The following CDC14A variants were observed in gnomAD, a reference collection of about 807,000 sequenced individuals.
The protein encoded by CDC14A is cell division cycle 14A, also known as dual specificity protein phosphatase CDC14A.
In CDC14A, 53 loss-of-function variants were observed where a neutral mutation model predicts 74.4. The ratio of observed to expected loss-of-function variants is 0.71; its 90% CI spans 0.57 to 0.89. The LOEUF (loss-of-function observed/expected upper bound fraction) is 0.89. Ranked by LOEUF, CDC14A falls within the 40% of genes least tolerant of loss-of-function variation. The pLI, the probability that CDC14A is intolerant of heterozygous loss-of-function variation, is 0.00. For synonymous variants in CDC14A, 247 were observed against 258.4 expected (o/e 0.96, Z 0.43); for missense variants, 646 against 713.7 (o/e 0.91, Z 1.08).
chr1:100,402,559 C>A (rs1021848248), intron 4 of CDC14A, among the ~76,000 whole-genome samples: 16 of 152,022 alleles, frequency 1.1e-4, no homozygotes, highest in Admixed American at 3.9e-4. Context: ...AAAAAAAAGA[C>A]CCACTTTTGC....
rs1342273751 is a variant in CDC14A, at chr1:100,390,289, A to AT, written c.217-437dup. ...ACTAATATTGGTCTTCAAAAATACG[A>AT]TTTTTTGGAGATCATAGTAAACTGG... On this transcript the variant is annotated intron_variant, in intron 3 of 15. Transcript: ENST00000336454. Among the ~76,000 whole-genome samples the AT allele has an allele frequency of 3.9e-5, 6 of 152,304 alleles. No homozygotes were observed. In the East Asian group the frequency reaches 9.6e-4, roughly 24 times the overall value.
intron 8 of CDC14A, among the ~76,000 whole-genome samples, chr1:100,456,353 T>C (rs1049944869): frequency 1.3e-5 from 2 of 152,320 alleles, no homozygotes; most frequent in Admixed American, 6.5e-5. Context: ...AAACAAGTAA[T>C]GATAGACAAC....
chr1:100,383,904 T>C (rs1410892913), intron 3 of CDC14A, among the ~76,000 whole-genome samples: 1 of 152,198 alleles, frequency 6.6e-6, no homozygotes, highest in Non-Finnish European at 1.5e-5. Flanking sequence ...CTTTTTTTTT[T>C]TTGGCTTTGG....
chr1:100,454,236 A>T (rs913858269), intron 7 of CDC14A, among the ~76,000 whole-genome samples: 6 of 151,922 alleles, frequency 3.9e-5, no homozygotes, highest in South Asian at 2.1e-4. Context: ...TCTACTGTTG[A>T]GGTCCTTGCC....
chr1:100,494,650 G>A (rs1259110807), intron 11 of CDC14A, among the ~76,000 whole-genome samples, 168 bp from the exon 12 acceptor site: 2 of 152,190 alleles, frequency 1.3e-5, no homozygotes, highest in East Asian at 3.8e-4. Context: ...CTGGCAAATA[G>A]TTGAGTGTTC....
rs150284378 is a variant in CDC14A at position 100,392,451 on chromosome 1, G to A, written c.309+1627G>A. Among the ~76,000 whole-genome samples the A allele has an allele frequency of 2.4e-3, 363 of 151,510 alleles. 3 individuals are homozygous for A. The highest frequency in any genetic ancestry group is 0.01 in the Middle Eastern group (3 of 294). On this transcript the variant is annotated intron_variant, in intron 4 of 15. Coordinates refer to ENST00000336454, the MANE Select transcript of CDC14A (RefSeq NM_003672.4). ...AGAGGTCATTTGCCACTCTTCGCAC[G>A]TCTTTCTTTTTTTTTTTTGTGAGGA... is the stretch of plus-strand genomic sequence containing the variant.
At chr1:100,424,096 G>T (rs1662670666) in intron 4 of CDC14A, 126 bp from the exon 5 acceptor site, 1 of 711,054 alleles carries the variant, frequency 1.4e-6, no homozygotes. Context: ...TTGTTGCTTT[G>T]TAAAGATCAA....
intron 11 of CDC14A, among the ~76,000 whole-genome samples, chr1:100,488,614 T>A (rs1670305897): frequency 6.6e-6 from 1 of 152,252 alleles, no homozygotes; most frequent in Admixed American, 6.5e-5. Flanking sequence ...AATATTAGCA[T>A]ACCAATCAGT....
rs561959047 is a variant in CDC14A, at chr1:100,496,410, A to G, written c.1298+361A>G. Among the ~76,000 whole-genome samples, 12 of 151,422 alleles carry G rather than the reference A, an allele frequency of 7.9e-5. No homozygotes were observed. The South Asian group carries it at 1.0e-3, about 13-fold the overall frequency. The stretch of plus-strand genomic sequence containing the variant: ...TTTCATTTTTATTGGTCCTCTTTCT[A>G]TTTTTTCCCAATCAGCATGCATTTG... On this transcript the variant is annotated intron_variant, in intron 13 of 15. Transcript: ENST00000336454.
At chr1:100,364,071 G>T (rs912566243) in intron 2 of CDC14A, among the ~76,000 whole-genome samples, 1 of 152,030 alleles carries the variant, frequency 6.6e-6, no homozygotes, top group Non-Finnish European at 1.5e-5. Context: ...CGAGGCTTCA[G>T]TGAACCATGA....
At chr1:100,393,549 A>G in intron 4 of CDC14A, 2 of 746,664 alleles carry the variant, frequency 2.7e-6, no homozygotes, top group Admixed American at 3.5e-5. Context: ...CAGGACTGTC[A>G]GGTATCTCAG....
At chr1:100,408,186 C>T (rs528042492) in intron 4 of CDC14A, among the ~76,000 whole-genome samples, 1 of 152,266 alleles carries the variant, frequency 6.6e-6, no homozygotes, top group African/African-American at 2.4e-5. Context: ...TCTGTTCCTG[C>T]AATAGTTTGC....
intron 15 of CDC14A, among the ~76,000 whole-genome samples, chr1:100,511,705 T>A (rs1393960925): frequency 6.6e-6 from 1 of 152,154 alleles, no homozygotes; most frequent in Non-Finnish European, 1.5e-5. Flanking sequence ...AGTCACTAAG[T>A]CCTATCAAGT....
rs556511474 is a variant in CDC14A at position 100,440,108 on chromosome 1, A to G, written c.456+110A>G. On this transcript the variant is annotated intron_variant, in intron 6 of 15. Transcript: ENST00000336454. ...TTGGAGGGAAGAAAGGGGAGCCAGT[A>G]AGTAGAAGGCTTTTCACTTCTTGAA... 5.2e-4 allele frequency: 399 copies of G among 772,040 alleles called. 1 individual carries two copies. The highest frequency in any genetic ancestry group is 7.9e-4 in the Non-Finnish European group (365 of 461,054). The allele number at this position is 772,040 out of a possible 1,614,324, so 47.8% of individuals were successfully genotyped here.
chr1:100,362,808 A>G (rs1471528945), intron 2 of CDC14A, among the ~76,000 whole-genome samples: 2 of 152,230 alleles, frequency 1.3e-5, no homozygotes, highest in African/African-American at 4.8e-5. Context: ...ATGAAGCAGC[A>G]TTGTTGCCTG....
intron 12 of CDC14A, 37 bp downstream of exon 12, chr1:100,494,967 T>C: frequency 9.2e-7 from 1 of 1,082,542 alleles, no homozygotes; most frequent in East Asian, 2.4e-5. Context: ...TATAGTGTGC[T>C]TCCCTTTGTG....
intron 8 of CDC14A, among the ~76,000 whole-genome samples, chr1:100,457,275 AT>A (rs774534107): frequency 4.6e-5 from 7 of 151,808 alleles, no homozygotes; most frequent in East Asian, 1.9e-4. Flanking sequence ...TTTGAAAAAA[AT>A]TTTTTTTTAA....
intron 11 of CDC14A, among the ~76,000 whole-genome samples, chr1:100,490,585 A>G (rs1670509263): frequency 6.6e-6 from 1 of 152,070 alleles, no homozygotes; most frequent in Non-Finnish European, 1.5e-5. Flanking sequence ...CCAGTCCATC[A>G]TCTCTCATCA....
intron 15 of CDC14A, among the ~76,000 whole-genome samples, chr1:100,517,167 T>C (rs887197371): frequency 5.3e-5 from 8 of 152,216 alleles, no homozygotes; most frequent in African/African-American, 1.7e-4. Context: ...GTTCATGGGG[T>C]GTAAAATTCA....
Sources: allele counts gnomAD v4.1 joint callset (sites outside exome capture counted in the v4.1 genomes callset), GRCh38; gene constraint gnomAD v4.1.1; transcripts MANE v1.5; gene names NCBI Gene and HGNC (gene_info 2026-07-23, HGNC 2026-07-21).